The following CPNE4 variants were observed in gnomAD, a reference collection of about 807,000 sequenced individuals.
CPNE4 encodes copine 4, also known as copine-4.
Under a neutral mutation model 67.9 loss-of-function variants are expected in CPNE4, and 25 were observed. The ratio of observed to expected loss-of-function variants is 0.37; its 90% CI spans 0.27 to 0.51. CPNE4 has a LOEUF of 0.51. Ranked by LOEUF, CPNE4 falls within the 20% of genes least tolerant of loss-of-function variation. The probability of loss-of-function intolerance (pLI) is 0.93; values close to 1 mark genes in which losing one functional copy is unlikely to be tolerated. For missense variants in CPNE4, 464 were observed against 690.8 expected (o/e 0.67, Z 3.68); for synonymous variants, 242 against 244.9 (o/e 0.99, Z 0.11).
chr3:131,905,656 G>GCC (rs2088720638), intron 1 of CPNE4, among the ~76,000 whole-genome samples: 2 of 152,118 alleles, frequency 1.3e-5, no homozygotes, highest in Non-Finnish European at 1.5e-5. Flanking sequence ...GCTGCACTTG[G>GCC]TTAAGAACAC....
chr3:131,729,671 TG>T, intron 2 of CPNE4, among the ~76,000 whole-genome samples: 1 of 152,366 alleles, frequency 6.6e-6, no homozygotes, highest in Non-Finnish European at 1.5e-5. Context: ...AACAGTTTGC[TG>T]GTTGTGTAAA....
chr3:131,965,747 G>T (rs1235033952), intron 1 of CPNE4, among the ~76,000 whole-genome samples: 4 of 152,156 alleles, frequency 2.6e-5, no homozygotes, highest in Non-Finnish European at 5.9e-5. Flanking sequence ...GATCTATAAA[G>T]AGACTTAGAC....
intron 1 of CPNE4, among the ~76,000 whole-genome samples, chr3:131,919,197 T>A (rs1363430439): frequency 6.6e-6 from 1 of 152,188 alleles, no homozygotes; most frequent in Non-Finnish European, 1.5e-5. Flanking sequence ...AAGTGAATAG[T>A]GAAGAGGATT....
At chr3:131,558,306 G>GTCTT (rs1382036853) in intron 11 of CPNE4, among the ~76,000 whole-genome samples, 1 of 151,972 alleles carries the variant, frequency 6.6e-6, no homozygotes, top group Non-Finnish European at 1.5e-5. Context: ...GCAGAGAAGA[G>GTCTT]TCTTATTATG....
chr3:131,727,931 C>A (rs2082038445), intron 2 of CPNE4, among the ~76,000 whole-genome samples: 1 of 152,152 alleles, frequency 6.6e-6, no homozygotes, highest in African/African-American at 2.4e-5. Context: ...AGTAGTTTAT[C>A]CTTTTATTGC....
intron 2 of CPNE4, among the ~76,000 whole-genome samples, chr3:131,817,750 T>C (rs942650125): frequency 2.0e-5 from 3 of 152,240 alleles, no homozygotes; most frequent in African/African-American, 4.8e-5. Context: ...ATGATGTTAC[T>C]GATGTTCATG....
At chr3:131,856,830 A>G (rs1162569612) in intron 2 of CPNE4, among the ~76,000 whole-genome samples, 1 of 152,034 alleles carries the variant, frequency 6.6e-6, no homozygotes, top group Admixed American at 6.6e-5. Context: ...TATTATACAG[A>G]TGAACAAAAT....
chr3:131,757,413 A>G (rs1010760308), intron 2 of CPNE4, among the ~76,000 whole-genome samples: 13 of 152,180 alleles, frequency 8.5e-5, no homozygotes, highest in Non-Finnish European at 1.5e-4. Context: ...CCTGCCATAG[A>G]GATTTGTGGA....
intron 2 of CPNE4, among the ~76,000 whole-genome samples, chr3:131,881,616 G>A (rs1240214287): frequency 2.0e-5 from 3 of 151,334 alleles, no homozygotes; most frequent in Admixed American, 6.6e-5. Flanking sequence ...TAACATTAAG[G>A]TATTAAACTC....
At chr3:131,870,771 A>C (rs1380525856) in intron 2 of CPNE4, among the ~76,000 whole-genome samples, 5 of 152,182 alleles carry the variant, frequency 3.3e-5, no homozygotes, top group African/African-American at 1.2e-4. Context: ...GAAGGTTTCT[A>C]TTTGGAATTC....
chr3:131,618,610 A>G (rs1170030400), intron 7 of CPNE4, among the ~76,000 whole-genome samples: 1 of 152,196 alleles, frequency 6.6e-6, no homozygotes, highest in Non-Finnish European at 1.5e-5. Flanking sequence ...AGTTTAAGGT[A>G]GAATGTGTTT....
chr3:131,835,496 T>A (rs1231295071), intron 2 of CPNE4, among the ~76,000 whole-genome samples: 1 of 151,724 alleles, frequency 6.6e-6, no homozygotes, highest in Non-Finnish European at 1.5e-5. Context: ...GCCACTGCAC[T>A]CCAGCCTGGG....
intron 1 of CPNE4, among the ~76,000 whole-genome samples, chr3:131,975,410 A>G (rs978981684): frequency 1.3e-5 from 2 of 152,178 alleles, no homozygotes; most frequent in African/African-American, 4.8e-5. Context: ...TAGTCCTTCT[A>G]CTTTGGGAAT....
intron 2 of CPNE4, among the ~76,000 whole-genome samples, chr3:131,810,431 A>C (rs1435698007): frequency 1.3e-5 from 2 of 152,108 alleles, no homozygotes; most frequent in South Asian, 2.1e-4. Flanking sequence ...CATTTCTCCC[A>C]AGAAAATATA....
chr3:131,770,202 G>A (rs2083130852), intron 2 of CPNE4, among the ~76,000 whole-genome samples: 1 of 152,156 alleles, frequency 6.6e-6, no homozygotes, highest in Non-Finnish European at 1.5e-5. Context: ...TTGCAAATGT[G>A]AAAGGATTTT....
At position 131,790,385 on chromosome 3, in the gene CPNE4, C is replaced by A. The variant is rs1218863404; in HGVS notation, c.181-66760G>T. On this transcript the variant is annotated intron_variant, in intron 2 of 15. Transcript: ENST00000429747. ...CCTTCCCCAGGGGTGCTTCTTTGTT[C>A]TGCAGGCCAATTGGGACCTGTCTGG... is the stretch of plus-strand genomic sequence containing the variant. Among the ~76,000 whole-genome samples the A allele has an allele frequency of 2.0e-5, 3 of 152,100 alleles. No individual in the cohort carries two copies. In the East Asian group the frequency reaches 5.8e-4, roughly 29 times the overall value.
In CPNE4 at chr3:131,700,011, G is replaced by A. The variant is rs764911303; in HGVS notation, c.361-31C>T. 3.4e-6 allele frequency: 5 copies of A among 1,465,918 alleles called. No individual in the cohort carries two copies. In the African/African-American group the frequency reaches 5.8e-5, roughly 17 times the overall value. 90.8% of individuals were successfully genotyped at this position (1,465,918 alleles called of 1,614,324 possible). On this transcript the variant is annotated intron_variant, in intron 3 of 15. Transcript: ENST00000429747. Reference sequence around the variant, plus strand: ...AAAAAGGAAACAAAAGGTAACAAAAGGTAGAGATACTAGTCATTTAACTGT... The same window carrying A: ...AAAAAGGAAACAAAAGGTAACAAAAAGTAGAGATACTAGTCATTTAACTGT...
chr3:131,856,320 A>T (rs1250480649), intron 2 of CPNE4, among the ~76,000 whole-genome samples: 44 of 151,786 alleles, frequency 2.9e-4, no homozygotes, highest in Admixed American at 2.9e-3. Context: ...GGCCTCAGGC[A>T]TTCCTCCTGC....
At chr3:131,831,471 C>G (rs1207272497) in intron 2 of CPNE4, among the ~76,000 whole-genome samples, 1 of 151,786 alleles carries the variant, frequency 6.6e-6, no homozygotes, top group East Asian at 1.9e-4. Context: ...TCACTTAGCA[C>G]AAATAGATGA....
Sources: gnomAD v4.1 joint callset for allele counts (sites outside exome capture counted in the v4.1 genomes callset) on GRCh38, gnomAD v4.1.1 for gene constraint, MANE v1.5 for transcripts, NCBI Gene and HGNC (gene_info 2026-07-23, HGNC 2026-07-21) for gene names.